Variants in COL25A1 observed in about 807,000 individuals in gnomAD.
COL25A1 encodes the protein collagen alpha-1(XXV) chain.
A neutral mutation model predicts 128.4 loss-of-function variants in COL25A1; 103 were observed. The ratio of observed to expected loss-of-function variants is 0.80; its 90% confidence interval spans 0.68 to 0.94. COL25A1 has a LOEUF of 0.94. Ranked by LOEUF, COL25A1 falls within the 40% of genes least tolerant of loss-of-function variation. The pLI, the probability that COL25A1 is intolerant of heterozygous loss-of-function variation, is 0.00. For synonymous variants in COL25A1, 279 were observed against 277.2 expected, an observed-to-expected ratio of 1.01 and a Z score of -0.06; for missense variants, 745 against 840.0, an observed-to-expected ratio of 0.89 and a Z score of 1.40.
chr4:108,944,404 A>G (rs1010548397), intron 8 of COL25A1, among the ~76,000 whole-genome samples: 2 of 152,204 alleles, frequency 1.3e-5, no homozygotes, highest in Admixed American at 1.3e-4. Flanking sequence ...CATTAGCCCT[A>G]TATTACACAG....
At chr4:108,965,891 C>A (rs1751241068) in intron 8 of COL25A1, among the ~76,000 whole-genome samples, 1 of 152,154 alleles carries the variant, frequency 6.6e-6, no homozygotes, top group South Asian at 2.1e-4. Flanking sequence ...GCAAACTCAG[C>A]ATTATGAAGA....
chr4:108,893,219 A>C (rs902423848), intron 16 of COL25A1, among the ~76,000 whole-genome samples: 2 of 152,136 alleles, frequency 1.3e-5, no homozygotes, highest in African/African-American at 4.8e-5. Flanking sequence ...GGAGCAAAGA[A>C]AAAAAAACAG....
At chr4:108,977,936 C>T (rs1312362239) in intron 6 of COL25A1, among the ~76,000 whole-genome samples, 1 of 152,142 alleles carries the variant, frequency 6.6e-6, no homozygotes, top group Non-Finnish European at 1.5e-5. Context: ...TTTCACAGGC[C>T]ACATCTCCCA....
chr4:109,235,630 A>G (rs988583837), intron 3 of COL25A1, among the ~76,000 whole-genome samples: 2 of 152,042 alleles, frequency 1.3e-5, no homozygotes, highest in African/African-American at 4.8e-5. Context: ...CAGTCTAACC[A>G]TTAGCTGACC....
At chr4:109,223,699 G>A (rs1416105254) in intron 3 of COL25A1, among the ~76,000 whole-genome samples, 1 of 151,916 alleles carries the variant, frequency 6.6e-6, no homozygotes, top group African/African-American at 2.4e-5. Context: ...ACAGGAAAGT[G>A]TGCCCTATCT....
At chr4:108,842,627 A>G (rs1734581391) in intron 30 of COL25A1, among the ~76,000 whole-genome samples, 1 of 152,172 alleles carries the variant, frequency 6.6e-6, no homozygotes, top group African/African-American at 2.4e-5. Context: ...TTTCCTTTTC[A>G]ATAAGTTTCA....
rs527525679 is a variant in COL25A1 at position 109,301,121 on chromosome 4, A to G, written c.298-469T>C. On this transcript the variant is annotated intron_variant, in intron 2 of 37. Coordinates refer to ENST00000399132, the MANE Select transcript of COL25A1 (RefSeq NM_198721.4). ...CTCTAGTCTAAAGGTACCCTTACACATAACATAGATTCCTCTCAACTCTCA... is the reference window on the plus strand; with the variant it reads ...CTCTAGTCTAAAGGTACCCTTACACGTAACATAGATTCCTCTCAACTCTCA... 2.6e-5 allele frequency among the ~76,000 whole-genome samples: 4 copies of G among 152,206 alleles called. No individual in the cohort carries two copies. The South Asian group carries it at 6.2e-4, about 24-fold the overall frequency.
At chr4:108,853,881 G>A (rs1480915155) in intron 24 of COL25A1, among the ~76,000 whole-genome samples, 1 of 152,130 alleles carries the variant, frequency 6.6e-6, no homozygotes, top group Non-Finnish European at 1.5e-5. Context: ...ATTCCGTGGT[G>A]TATATGTACC....
At chr4:109,252,802 A>G (rs891567746) in intron 3 of COL25A1, among the ~76,000 whole-genome samples, 10 of 152,246 alleles carry the variant, frequency 6.6e-5, no homozygotes, top group African/African-American at 2.4e-4. Context: ...TTTACCACTG[A>G]CCTTCAGGGG....
intron 3 of COL25A1, among the ~76,000 whole-genome samples, chr4:109,173,614 G>A (rs922791964): frequency 4.6e-5 from 7 of 151,930 alleles, no homozygotes; most frequent in African/African-American, 1.7e-4. Context: ...TGGCAAATCT[G>A]AACTGGCAAT....
chr4:109,216,618 C>T (rs185142789), intron 3 of COL25A1, among the ~76,000 whole-genome samples: 1 of 152,166 alleles, frequency 6.6e-6, no homozygotes, highest in African/African-American at 2.4e-5. Flanking sequence ...AGCTCTTCTG[C>T]CACAAGCCAA....
chr4:108,930,629 TGG>T (rs1235450736), intron 11 of COL25A1, among the ~76,000 whole-genome samples: 3 of 152,172 alleles, frequency 2.0e-5, no homozygotes, highest in African/African-American at 7.2e-5. Context: ...GAGGAAGGTG[TGG>T]GAGAGAAGGG....
intron 3 of COL25A1, among the ~76,000 whole-genome samples, chr4:109,070,858 C>G (rs1762900088): frequency 6.6e-6 from 1 of 152,086 alleles, no homozygotes. Context: ...CAACAAAGGA[C>G]ACGAGCTCAT....
chr4:109,120,736 G>T (rs985059770), intron 3 of COL25A1, among the ~76,000 whole-genome samples: 1 of 151,904 alleles, frequency 6.6e-6, no homozygotes, highest in Non-Finnish European at 1.5e-5. Context: ...TTGAGCCAGA[G>T]GGTGGAAGCT....
rs369025098 is a variant in COL25A1 at position 108,859,673 on chromosome 4, G to T, written c.1303C>A (p.Leu435Ile). Residue 435 changes from leucine to isoleucine, a missense_variant, in exon 24 of 38, where the codon CTC becomes ATC. By Grantham distance (5) the Leu-to-Ile change is conservative. Coordinates refer to ENST00000399132, the MANE Select transcript of COL25A1 (RefSeq NM_198721.4). ...ATEIIDYNGNLHEALQRITTL... is the reference protein window; with the variant it reads ...ATEIIDYNGNIHEALQRITTL... ...TCACTTGCCTGTAAGGCTTCGTGGA[G>T]GTTGCCGTTGTAGTCTATGATCTCA... The T allele has an allele frequency of 5.6e-6, 9 of 1,613,648 alleles. No individual in the cohort carries two copies. The highest frequency in any genetic ancestry group is 7.6e-6 in the Non-Finnish European group (9 of 1,179,868).
intron 36 of COL25A1, among the ~76,000 whole-genome samples, chr4:108,817,986 A>G (rs200367169): frequency 6.6e-6 from 1 of 152,208 alleles, no homozygotes; most frequent in Admixed American, 6.5e-5. Flanking sequence ...CAGCCTATCT[A>G]TATTTTTATG....
At chr4:109,185,094 C>T (rs1159716967) in intron 3 of COL25A1, among the ~76,000 whole-genome samples, 1 of 152,130 alleles carries the variant, frequency 6.6e-6, no homozygotes, top group African/African-American at 2.4e-5. Flanking sequence ...TGAAGAAAGG[C>T]ATTTTTGAAG....
chr4:109,029,386 G>A (rs1758620422), intron 5 of COL25A1, among the ~76,000 whole-genome samples: 1 of 152,106 alleles, frequency 6.6e-6, no homozygotes, highest in Non-Finnish European at 1.5e-5. Flanking sequence ...CGTCAACAAT[G>A]CCCACGTCAT....
chr4:109,207,403 G>A (rs1777101057), intron 3 of COL25A1, among the ~76,000 whole-genome samples: 2 of 152,086 alleles, frequency 1.3e-5, no homozygotes, highest in Non-Finnish European at 1.5e-5. Flanking sequence ...CAGAGCTGGA[G>A]TGATTTGCAA....
Sources: gnomAD v4.1 joint callset for allele counts (sites outside exome capture counted in the v4.1 genomes callset) on GRCh38, gnomAD v4.1.1 for gene constraint, MANE v1.5 for transcripts, NCBI Gene and HGNC (gene_info 2026-07-23, HGNC 2026-07-21) for gene names.